The following PRDM8 variants were observed in gnomAD, a reference collection of about 807,000 sequenced individuals.
The protein encoded by PRDM8 is PR/SET domain 8.
Under a neutral mutation model 46.5 loss-of-function variants are expected in PRDM8, and 13 were observed. The ratio of observed to expected loss-of-function variants is 0.28; its 90% CI spans 0.18 to 0.44. PRDM8 has a LOEUF of 0.44. Among genes scored for constraint, PRDM8 ranks in the 20% least tolerant of loss-of-function variants. The pLI is 1.00. For synonymous variants in PRDM8, 473 were observed against 438.4 expected (o/e 1.08, Z -0.98); for missense variants, 998 against 955.0 (o/e 1.04, Z -0.59).
Position 80,199,024 on chromosome 4 carries a change from TAA to T in PRDM8, c.-2-1054_-2-1053del, listed in dbSNP as rs1215478900. On this transcript the variant is annotated intron_variant, in intron 1 of 3. Transcript: ENST00000415738. ...TTTTTTTTTTTTTTTTTTTTAGTGATAAGTCTTGTATGGGGTGTCCAGAGGAA... is the reference window on the plus strand; with the variant it reads ...TTTTTTTTTTTTTTTTTTTTAGTGATGTCTTGTATGGGGTGTCCAGAGGAA... 1.6e-4 allele frequency among the ~76,000 whole-genome samples: 21 copies of T among 127,848 alleles called. 1 individual carries two copies. The highest frequency in any genetic ancestry group is 7.4e-4 in the East Asian group (3 of 4,048). The allele number at this position is 127,848 out of a possible 152,430, so 83.9% of individuals were successfully genotyped here.
At position 80,203,474 on chromosome 4, in the gene PRDM8, G is replaced by A; in HGVS notation, c.2012G>A (p.Cys671Tyr). The A allele has an allele frequency of 1.9e-6, 3 of 1,613,508 alleles. No individual in the cohort carries two copies. The highest frequency in any genetic ancestry group is 2.5e-6 in the Non-Finnish European group (3 of 1,179,798). The change falls in exon 4 of 4, where the codon TGC becomes TAC. Residue 671 changes from cysteine (C) to tyrosine (Y), a missense_variant. Cys to Tyr is a radical substitution (Grantham distance 194). Coordinates refer to ENST00000415738, the MANE Select transcript of PRDM8 (RefSeq NM_001099403.2). Reference protein sequence around the residue: ...RREEKLKCPICNESFRERHHL... With the variant: ...RREEKLKCPIYNESFRERHHL... Reference sequence around the variant, plus strand: ...GAGGAGAAACTCAAGTGCCCCATCTGCAATGAGTCCTTCAGGGAGCGCCAC... The same window carrying A: ...GAGGAGAAACTCAAGTGCCCCATCTACAATGAGTCCTTCAGGGAGCGCCAC...
Position 80,188,725 on chromosome 4 carries a change from A to G in PRDM8, c.-982-2747A>G, listed in dbSNP as rs1023869669. Among the ~76,000 whole-genome samples, 11 of 152,206 alleles carry G rather than the reference A, an allele frequency of 7.2e-5. No homozygotes were observed. The South Asian group carries it at 2.3e-3, about 31-fold the overall frequency. On this transcript the variant is annotated intron_variant, in intron 1 of 9. Coordinates refer to the PRDM8 transcript ENST00000339711. ...CTAGCCTGGGCGGAAAGTTTCATAT[A>G]ACTTGAGACGGTGCGCGTGGGGAAA...
upstream of PRDM8, chr4:80,196,423 G>A (rs1331186286): frequency 3.0e-6 from 3 of 985,328 alleles, no homozygotes; most frequent in African/African-American, 1.7e-5. Context: ...CCCGTTGAAG[G>A]AGTCAACTTG....
chr4:80,198,455 T>C (rs1363470999), intron 1 of PRDM8, among the ~76,000 whole-genome samples: 30 of 152,174 alleles, frequency 2.0e-4, no homozygotes, highest in Admixed American at 2.0e-3. Flanking sequence ...TAAGAGGTTA[T>C]GGGGTTTTTA....
intron 2 of PRDM8, 83 bp downstream of exon 2, chr4:80,200,382 G>A: frequency 7.8e-7 from 1 of 1,283,576 alleles, no homozygotes. Flanking sequence ...ATGACAAGTG[G>A]AGATAGGTTT....
intron 1 of PRDM8, among the ~76,000 whole-genome samples, chr4:80,186,452 A>AGAGAGAGAGAGAGAGG (rs1383971149): frequency 6.6e-6 from 1 of 151,732 alleles, no homozygotes; most frequent in African/African-American, 2.4e-5. Flanking sequence ...AGAGAGAGAG[A>AGAGAGAGAGAGAGAGG]GAGATTGATT....
At chr4:80,198,566 A>T (rs1738147299) in intron 1 of PRDM8, among the ~76,000 whole-genome samples, 2 of 152,282 alleles carry the variant, frequency 1.3e-5, no homozygotes, top group South Asian at 4.1e-4. Flanking sequence ...TTTCTACTTT[A>T]TGGATATTTT....
At chr4:80,186,701 TG>T (rs1737118804) in intron 1 of PRDM8, among the ~76,000 whole-genome samples, 1 of 152,154 alleles carries the variant, frequency 6.6e-6, no homozygotes, top group Non-Finnish European at 1.5e-5. Flanking sequence ...AATCTGTTAG[TG>T]CCCCTTTTAT....
intron 1 of PRDM8, among the ~76,000 whole-genome samples, chr4:80,199,587 T>C (rs1276990888): frequency 1.3e-5 from 2 of 151,866 alleles, no homozygotes; most frequent in African/African-American, 4.8e-5. Context: ...AAAAATCAGC[T>C]CCCGGGCACC....
intron 1 of PRDM8, among the ~76,000 whole-genome samples, chr4:80,190,405 C>T (rs772053468): frequency 2.0e-5 from 3 of 152,232 alleles, no homozygotes; most frequent in Non-Finnish European, 4.4e-5. Context: ...CCCACACTGC[C>T]CCACATTCAC....
At chr4:80,189,580 G>A (rs1351984020) in intron 1 of PRDM8, among the ~76,000 whole-genome samples, 1 of 152,218 alleles carries the variant, frequency 6.6e-6, no homozygotes, top group Non-Finnish European at 1.5e-5. Context: ...TAATGAGGAA[G>A]CAAAGGCAGT....
rs762557383 is a variant in PRDM8 at position 80,200,244 on chromosome 4, T to C, written c.164T>C (p.Ile55Thr). ...AGCCATACTTCCCTATATGACAGCATAGCTTTCATAGCTCTCAAGTCTACT... is the reference window on the plus strand; with the variant it reads ...AGCCATACTTCCCTATATGACAGCACAGCTTTCATAGCTCTCAAGTCTACT... Reference protein sequence around the residue: ...VLSHTSLYDSIAFIALKSTDK... With the variant: ...VLSHTSLYDSTAFIALKSTDK... Residue 55 changes from isoleucine to threonine, a missense_variant, in exon 2 of 4, where the codon ATA (isoleucine) becomes ACA (threonine). Transcript: ENST00000415738. 6.2e-7 allele frequency: 1 copy of C among 1,614,146 alleles called. No individual in the cohort carries two copies. The highest frequency in any genetic ancestry group is 1.7e-5 in the Admixed American group (1 of 60,026).
chr4:80,186,287 T>C (rs1737069061), intron 1 of PRDM8, among the ~76,000 whole-genome samples: 1 of 25,684 alleles, frequency 3.9e-5, no homozygotes, highest in African/African-American at 1.4e-4. Flanking sequence ...ATTAGGAGCC[T>C]TTTTTTTTCC....
rs1413112507 is a variant in PRDM8 at position 80,198,980 on chromosome 4, G to GTTTTT, written c.-2-1090_-2-1086dup. Among the ~76,000 whole-genome samples the GTTTTT allele has an allele frequency of 2.9e-4, 30 of 104,220 alleles. 1 individual carries two copies. Among genetic ancestry groups the GTTTTT allele is most frequent in the African/African-American group, 7.3e-4 (21 of 28,790 alleles). 68.4% of individuals were successfully genotyped at this position (104,220 alleles called of 152,430 possible). ...AATTTAAATACCTGGGTTTTTTTGGGTTTTTTTTTTTTTGTTTTTTTTTTT... is the reference window on the plus strand; with the variant it reads ...AATTTAAATACCTGGGTTTTTTTGGGTTTTTTTTTTTTTTTTTTGTTTTTTTTTTT... On this transcript the variant is annotated intron_variant, in intron 1 of 3. Transcript: ENST00000415738.
intron 2 of PRDM8, among the ~76,000 whole-genome samples, chr4:80,200,676 TGAG>T (rs1560474613): frequency 6.6e-6 from 1 of 152,242 alleles, no homozygotes; most frequent in African/African-American, 2.4e-5. Flanking sequence ...GCCTTCCATT[TGAG>T]GAGGCTTCTT....
Position 80,190,179 on chromosome 4 carries a change from G to A in PRDM8, c.-982-1293G>A, listed in dbSNP as rs554193273. On this transcript the variant is annotated intron_variant, in intron 1 of 9. Transcript: ENST00000339711. ...GGTCGAGGTCGTGCACAGAGGCAGG[G>A]AGAGAGGGTGGTGGAAAGAGTGTTA... The A allele has an allele frequency of 4.6e-5, 7 of 152,418 alleles. No individual in the cohort carries two copies. In the East Asian group the frequency reaches 7.7e-4, roughly 17 times the overall value. 9.4% of individuals were successfully genotyped at this position (152,418 alleles called of 1,614,324 possible). A position where few individuals can be genotyped will look rare whatever the true frequency, so the allele number is the denominator to read the frequency against.
At chr4:80,190,683 C>G (rs76719495) in intron 1 of PRDM8, among the ~76,000 whole-genome samples, 2 of 152,186 alleles carry the variant, frequency 1.3e-5, no homozygotes, top group South Asian at 4.1e-4. Context: ...AAGACATGGG[C>G]ACCGGACAAT....
chr4:80,193,797 C>T (rs1737732051), upstream of PRDM8, among the ~76,000 whole-genome samples: 1 of 152,072 alleles, frequency 6.6e-6, no homozygotes, highest in Non-Finnish European at 1.5e-5. Flanking sequence ...GGGTTTTTTC[C>T]CCCCCTTTCA....
exon 1 of PRDM8, chr4:80,185,309 C>G (rs947618544): frequency 1.3e-5 from 2 of 152,236 alleles, no homozygotes; most frequent in Non-Finnish European, 2.9e-5. Flanking sequence ...ATCCCTTACA[C>G]GAGCAAATGC....
Sources: gnomAD v4.1 joint callset for allele counts (sites outside exome capture counted in the v4.1 genomes callset) on GRCh38, gnomAD v4.1.1 for gene constraint, MANE v1.5 for transcripts, NCBI Gene and HGNC (gene_info 2026-07-23, HGNC 2026-07-21) for gene names.